TENM3: variants seen among roughly 807,000 people sequenced by gnomAD.
TENM3 encodes the protein teneurin-3.
Under a neutral mutation model 255.1 loss-of-function variants are expected in TENM3, and 63 were observed. That is an observed-to-expected ratio of 0.25 (90% CI 0.20 to 0.30). TENM3 has a LOEUF of 0.30. Ranked by LOEUF, TENM3 falls within the 10% of genes least tolerant of loss-of-function variation. TENM3 has a pLI of 1.00. For synonymous variants in TENM3, 1,306 were observed against 1,322.3 expected (o/e 0.99, Z 0.27); for missense variants, 2,929 against 3,461.1 (o/e 0.85, Z 3.86).
the TENM3 span, among the ~76,000 whole-genome samples, chr4:181,668,766 C>A: frequency 6.6e-6 from 1 of 152,126 alleles, no homozygotes; most frequent in African/African-American, 2.4e-5. Flanking sequence ...CACAATCCAA[C>A]CCACAAGCAT....
At chr4:181,712,335 G>T in the TENM3 span, among the ~76,000 whole-genome samples, 2 of 152,068 alleles carry the variant, frequency 1.3e-5, no homozygotes, top group African/African-American at 2.4e-5. Context: ...TCATCCCCTT[G>T]GTGTTGTTTT....
chr4:182,720,519 A>G (rs1435483934), intron 13 of TENM3, among the ~76,000 whole-genome samples: 1 of 152,138 alleles, frequency 6.6e-6, no homozygotes, highest in African/African-American at 2.4e-5. Flanking sequence ...GAAAGACTCT[A>G]CTGGATCCTA....
chr4:182,524,688 A>G (rs1414831064), intron 3 of TENM3, among the ~76,000 whole-genome samples: 1 of 151,676 alleles, frequency 6.6e-6, no homozygotes, highest in Non-Finnish European at 1.5e-5. Context: ...AACCAAACTC[A>G]TATTTGTAAA....
Position 182,333,447 on chromosome 4 carries a change from T to C in TENM3, c.232+9195T>C, listed in dbSNP as rs978798029. Among the ~76,000 whole-genome samples the C allele has an allele frequency of 2.0e-5, 3 of 152,282 alleles. No homozygotes were observed. The South Asian group carries it at 6.2e-4, about 32-fold the overall frequency. ...GATTTTTCAGTGTTCAGAAATCTACTAACATAATTAGATTAATAAATCAAA... is the reference window on the plus strand; with the variant it reads ...GATTTTTCAGTGTTCAGAAATCTACCAACATAATTAGATTAATAAATCAAA... On this transcript the variant is annotated intron_variant, in intron 2 of 27. Transcript: ENST00000511685.
rs907878307 is a variant in TENM3, at chr4:182,486,488, C to T, written c.512-114436C>T. On this transcript the variant is annotated intron_variant, in intron 3 of 27. Transcript: ENST00000511685. ...TGATTTTATTAACAGTTTATAGCTG[C>T]CAATCACTGACACAACTAGTTACCT... 5.3e-5 allele frequency among the ~76,000 whole-genome samples: 8 copies of T among 152,208 alleles called. No homozygotes were observed. In the South Asian group the frequency reaches 8.3e-4, roughly 16 times the overall value.
chr4:182,453,977 G>T (rs1773682480), intron 3 of TENM3, among the ~76,000 whole-genome samples: 1 of 152,082 alleles, frequency 6.6e-6, no homozygotes, highest in East Asian at 1.9e-4. Context: ...AGTTTATTTG[G>T]CTTTCAATTC....
At chr4:182,325,035 T>C (rs1322697760) in intron 2 of TENM3, among the ~76,000 whole-genome samples, 6 of 152,234 alleles carry the variant, frequency 3.9e-5, no homozygotes, top group Non-Finnish European at 8.8e-5. Flanking sequence ...TTTCTTCTAA[T>C]ACAGTCTTGA....
chr4:182,571,541 G>A (rs1366852723), intron 3 of TENM3, among the ~76,000 whole-genome samples: 1 of 152,018 alleles, frequency 6.6e-6, no homozygotes, highest in Non-Finnish European at 1.5e-5. Context: ...TGCACACCCT[G>A]CCCCCACAAC....
the TENM3 span, among the ~76,000 whole-genome samples, chr4:182,037,038 T>C: frequency 6.6e-6 from 1 of 152,154 alleles, no homozygotes; most frequent in African/African-American, 2.4e-5. Flanking sequence ...TATCCATTTA[T>C]ACTAACAGGA....
At chr4:181,588,290 G>A in the TENM3 span, among the ~76,000 whole-genome samples, 1 of 152,162 alleles carries the variant, frequency 6.6e-6, no homozygotes, top group Non-Finnish European at 1.5e-5. Context: ...TACTCTTTAA[G>A]CTGTATTTCC....
At chr4:181,532,755 A>G in the TENM3 span, among the ~76,000 whole-genome samples, 1 of 152,202 alleles carries the variant, frequency 6.6e-6, no homozygotes, top group Non-Finnish European at 1.5e-5. Flanking sequence ...CTTTTATTTT[A>G]CAAGAATGAC....
chr4:181,941,061 C>T, the TENM3 span, among the ~76,000 whole-genome samples: 1 of 152,170 alleles, frequency 6.6e-6, no homozygotes, highest in Admixed American at 6.5e-5. Flanking sequence ...ATTCCCCGAG[C>T]TTCAGAAGAC....
intron 22 of TENM3, 169 bp downstream of exon 22, chr4:182,755,428 G>T (rs936870265): frequency 6.5e-6 from 4 of 619,852 alleles, no homozygotes; most frequent in Non-Finnish European, 1.1e-5. Context: ...CGTAGTCTCA[G>T]CTCCTGGGGA....
intron 3 of TENM3, among the ~76,000 whole-genome samples, chr4:182,355,225 A>G (rs1765440105): frequency 6.6e-6 from 1 of 152,180 alleles, no homozygotes; most frequent in Non-Finnish European, 1.5e-5. Context: ...CAGAACAGCA[A>G]AGGAGAATGT....
intron 1 of TENM3, among the ~76,000 whole-genome samples, chr4:182,227,650 T>C (rs867427857): frequency 2.6e-5 from 4 of 151,754 alleles, no homozygotes; most frequent in African/African-American, 4.8e-5. Flanking sequence ...TTTTTTTTTT[T>C]TTTTCCTTTT....
the TENM3 span, among the ~76,000 whole-genome samples, chr4:182,020,028 G>A: frequency 1.6e-4 from 24 of 151,972 alleles, no homozygotes; most frequent in African/African-American, 4.8e-4. Flanking sequence ...CCAACAGACC[G>A]AACTGCTTTG....
At chr4:182,134,459 C>T in the TENM3 span, among the ~76,000 whole-genome samples, 1 of 152,168 alleles carries the variant, frequency 6.6e-6, no homozygotes, top group African/African-American at 2.4e-5. Context: ...TGCCAATTTC[C>T]TCCCTCTTTA....
At chr4:182,080,396 A>G in the TENM3 span, among the ~76,000 whole-genome samples, 1 of 152,248 alleles carries the variant, frequency 6.6e-6, no homozygotes, top group Non-Finnish European at 1.5e-5. Context: ...GAATGTGCTC[A>G]GTATAATTCA....
At chr4:181,889,474 G>T in the TENM3 span, among the ~76,000 whole-genome samples, 41 of 152,160 alleles carry the variant, frequency 2.7e-4, no homozygotes, top group Admixed American at 2.2e-3. Flanking sequence ...CCCAGCCTCG[G>T]GTATTCCTTT....
Sources: allele counts gnomAD v4.1 joint callset (sites outside exome capture counted in the v4.1 genomes callset), GRCh38; gene constraint gnomAD v4.1.1; transcripts MANE v1.5; gene names NCBI Gene and HGNC (gene_info 2026-07-23, HGNC 2026-07-21).